Variants in DCDC1 observed in about 807,000 individuals in gnomAD.
The protein encoded by DCDC1 is doublecortin domain-containing protein 1.
In DCDC1, 200 loss-of-function variants were observed where a neutral mutation model predicts 178.3. The ratio of observed to expected loss-of-function variants is 1.12; its 90% confidence interval spans 1.00 to 1.26. The LOEUF (loss-of-function observed/expected upper bound fraction) is 1.26. Ranked by LOEUF, DCDC1 falls within the 50% of genes most tolerant of loss-of-function variation. DCDC1 has a pLI of 0.00. For synonymous variants in DCDC1, 690 were observed against 604.8 expected (o/e 1.14, Z -2.07); for missense variants, 1,983 against 1,749.2 (o/e 1.13, Z -2.38).
At chr11:31,049,373 T>C (rs1274494516) in intron 20 of DCDC1, among the ~76,000 whole-genome samples, 1 of 152,202 alleles carries the variant, frequency 6.6e-6, no homozygotes, top group Non-Finnish European at 1.5e-5. Context: ...GCTTTTTGTA[T>C]ACATTTTTAT....
At position 30,939,015 on chromosome 11, in the gene DCDC1, G is replaced by A. The variant is rs560967630; in HGVS notation, c.2716-7063C>T. On this transcript the variant is annotated intron_variant, in intron 21 of 38. Coordinates refer to ENST00000684477, the MANE Select transcript of DCDC1 (RefSeq NM_001387274.1). ...TTGTCTGTCTCCAGCTGTTTCCCTC[G>A]CGGGATAATGGAACCACAGACTGGG... is the stretch of plus-strand genomic sequence containing the variant. Among the ~76,000 whole-genome samples the A allele has an allele frequency of 1.5e-3, 222 of 152,098 alleles. 1 individual carries two copies. Among genetic ancestry groups the A allele is most frequent in the African/African-American group, 4.7e-3 (194 of 41,494 alleles).
At chr11:31,289,580 C>T (rs945813646) in intron 7 of DCDC1, among the ~76,000 whole-genome samples, 5 of 151,904 alleles carry the variant, frequency 3.3e-5, no homozygotes, top group African/African-American at 4.8e-5. Flanking sequence ...ACATTCAATT[C>T]GAAATAGTAT....
At chr11:30,911,302 T>A in intron 28 of DCDC1, 25 bp downstream of exon 28, 1 of 1,564,696 alleles carries the variant, frequency 6.4e-7, no homozygotes, top group Non-Finnish European at 8.7e-7. Context: ...AGGCCATGAC[T>A]AATCTTTAGC....
intron 9 of DCDC1, among the ~76,000 whole-genome samples, chr11:31,160,274 C>T (rs1008891635): frequency 6.6e-6 from 1 of 152,092 alleles, no homozygotes; most frequent in Non-Finnish European, 1.5e-5. Flanking sequence ...TTTGTTTTTA[C>T]TATGATACTC....
At chr11:31,224,686 G>C (rs186478572) in intron 9 of DCDC1, among the ~76,000 whole-genome samples, 1 of 151,918 alleles carries the variant, frequency 6.6e-6, no homozygotes, top group African/African-American at 2.4e-5. Context: ...TCCCATCAAA[G>C]GGTGGGAAAA....
chr11:31,183,663 A>C (rs556689778), intron 9 of DCDC1, among the ~76,000 whole-genome samples: 1 of 152,346 alleles, frequency 6.6e-6, no homozygotes, highest in South Asian at 2.1e-4. Context: ...ATCGTAAGTG[A>C]ACTCCCATTC....
rs554590266 is a variant in DCDC1 at position 30,983,533 on chromosome 11, A to C, written c.2592-30965T>G. ...TGGTTCACATTTGCGATCCATTAAAATTACATAAATCATATTGGATTTTTT... is the reference window on the plus strand; with the variant it reads ...TGGTTCACATTTGCGATCCATTAAACTTACATAAATCATATTGGATTTTTT... On this transcript the variant is annotated intron_variant, in intron 20 of 38. Transcript: ENST00000684477. 1.1e-4 allele frequency among the ~76,000 whole-genome samples: 16 copies of C among 152,332 alleles called. No homozygotes were observed. The South Asian group carries it at 2.9e-3, about 28-fold the overall frequency.
chr11:31,212,157 A>C (rs371563443), intron 9 of DCDC1, among the ~76,000 whole-genome samples: 1 of 152,114 alleles, frequency 6.6e-6, no homozygotes, highest in Admixed American at 6.5e-5. Context: ...AAACGAATTA[A>C]ATTTTATAGT....
chr11:30,906,687 A>T lies in DCDC1; in HGVS notation c.3957T>A (p.Thr1319=), dbSNP rs1051600891. 2 of 1,613,626 alleles carry T rather than the reference A, an allele frequency of 1.2e-6. No homozygotes were observed. The highest frequency in any genetic ancestry group is 1.7e-6 in the Non-Finnish European group (2 of 1,179,670). The stretch of plus-strand genomic sequence containing the variant: ...ATTGTCCACAAGCCAAGCAGAGCAT[A>T]GTTTTTCTCTTTCCATCAGGTGAGA... ...CYLSPDGKRK[T]MLCLACGQSM... Residue 1319 remains threonine, a synonymous_variant, in exon 30 of 39, where the codon ACT becomes ACA. Transcript: ENST00000684477.
intron 6 of DCDC1, among the ~76,000 whole-genome samples, chr11:31,291,512 G>T (rs1177676123): frequency 1.3e-5 from 2 of 152,042 alleles, no homozygotes; most frequent in Non-Finnish European, 2.9e-5. Context: ...ATAAACAGGA[G>T]TGCAACTAAA....
chr11:30,893,636 C>T (rs1943971857), intron 35 of DCDC1, among the ~76,000 whole-genome samples: 1 of 152,064 alleles, frequency 6.6e-6, no homozygotes. Flanking sequence ...GGGCACGTGC[C>T]TAAGATTTAG....
At chr11:31,329,977 T>G (rs1949877991) in intron 2 of DCDC1, among the ~76,000 whole-genome samples, 1 of 152,224 alleles carries the variant, frequency 6.6e-6, no homozygotes, top group Admixed American at 6.5e-5. Flanking sequence ...GTCGCCACAC[T>G]GTCCTCCACA....
intron 38 of DCDC1, among the ~76,000 whole-genome samples, chr11:30,866,522 C>A (rs192199450): frequency 1.3e-5 from 2 of 152,246 alleles, no homozygotes; most frequent in Non-Finnish European, 2.9e-5. Context: ...GCTCTTACTA[C>A]TATTACATTG....
intron 9 of DCDC1, among the ~76,000 whole-genome samples, chr11:31,185,384 T>C (rs1218904405): frequency 6.6e-6 from 1 of 151,884 alleles, no homozygotes; most frequent in Non-Finnish European, 1.5e-5. Flanking sequence ...TTTCTGCACC[T>C]ATAGCCCAGA....
At chr11:31,076,664 G>A (rs1956882686) in intron 18 of DCDC1, among the ~76,000 whole-genome samples, 1 of 152,158 alleles carries the variant, frequency 6.6e-6, no homozygotes, top group African/African-American at 2.4e-5. Context: ...TGGAGATACA[G>A]ATGTCCTTGA....
chr11:31,169,041 C>G (rs1225241954), intron 9 of DCDC1, among the ~76,000 whole-genome samples: 1 of 152,090 alleles, frequency 6.6e-6, no homozygotes, highest in Non-Finnish European at 1.5e-5. Context: ...CACCGTGGAA[C>G]ACTAGGCAGC....
intron 7 of DCDC1, among the ~76,000 whole-genome samples, chr11:31,278,852 T>G (rs1385060839): frequency 6.6e-6 from 1 of 152,118 alleles, no homozygotes; most frequent in Non-Finnish European, 1.5e-5. Flanking sequence ...AAATACAACT[T>G]TTTAAAAGAA....
Position 30,951,180 on chromosome 11 carries a change from C to A in DCDC1, c.2715+1265G>T, listed in dbSNP as rs1372065367. 2.0e-5 allele frequency among the ~76,000 whole-genome samples: 3 copies of A among 151,982 alleles called. No homozygotes were observed. The South Asian group carries it at 6.2e-4, about 31-fold the overall frequency. Reference sequence around the variant, plus strand: ...TGAAGGATGATAAATAAAAAGAAATCTTCTCCCAGATATATTGTGCTGAAA... The same window carrying A: ...TGAAGGATGATAAATAAAAAGAAATATTCTCCCAGATATATTGTGCTGAAA... On this transcript the variant is annotated intron_variant, in intron 21 of 38. Coordinates refer to ENST00000684477, the MANE Select transcript of DCDC1 (RefSeq NM_001387274.1).
At chr11:31,271,518 T>C (rs1195862569) in intron 7 of DCDC1, among the ~76,000 whole-genome samples, 1 of 152,244 alleles carries the variant, frequency 6.6e-6, no homozygotes, top group African/African-American at 2.4e-5. Flanking sequence ...CTTGTTTCTT[T>C]TCCTTTCTTC....
Sources: allele counts gnomAD v4.1 joint callset (sites outside exome capture counted in the v4.1 genomes callset), GRCh38; gene constraint gnomAD v4.1.1; transcripts MANE v1.5; gene names NCBI Gene and HGNC (gene_info 2026-07-23, HGNC 2026-07-21).